SLC38A8: variants seen among roughly 807,000 people sequenced by gnomAD.
The protein encoded by SLC38A8 is amino acid transporter SLC38A8.
In SLC38A8, 65 loss-of-function variants were observed where a neutral mutation model predicts 46.0. The observed-to-expected ratio is 1.41, with a 90% CI of 1.16 to 1.74. SLC38A8 has a LOEUF of 1.74. SLC38A8 is among the 40% of genes most tolerant of loss of function. The pLI, the probability that SLC38A8 is intolerant of heterozygous loss-of-function variation, is 0.00. For missense variants in SLC38A8, 998 were observed against 567.9 expected (o/e 1.76, Z -7.70); for synonymous variants, 447 against 243.7 (o/e 1.83, Z -7.77).
chr16:84,012,403 T>G (rs895971476), intron 10 of SLC38A8, among the ~76,000 whole-genome samples: 2 of 152,154 alleles, frequency 1.3e-5, no homozygotes, highest in Non-Finnish European at 2.9e-5. Context: ...AGATCCAAAT[T>G]ATCTGGTCTC....
chr16:84,023,977 G>T (rs369510057), intron 6 of SLC38A8, among the ~76,000 whole-genome samples: 2 of 152,194 alleles, frequency 1.3e-5, no homozygotes, highest in Non-Finnish European at 2.9e-5. Context: ...TTCTACACCA[G>T]GGTTTCTCAG....
chr16:84,023,506 C>T (rs866562130), intron 6 of SLC38A8, among the ~76,000 whole-genome samples: 9 of 152,056 alleles, frequency 5.9e-5, no homozygotes, highest in South Asian at 2.1e-4. Context: ...AAGTAAATGG[C>T]AGGATACTAA....
chr16:84,013,629 C>T (rs1439643309), intron 9 of SLC38A8, among the ~76,000 whole-genome samples: 1 of 151,740 alleles, frequency 6.6e-6, no homozygotes, highest in African/African-American at 2.4e-5. Flanking sequence ...CGGGATTTCA[C>T]CATGTTGGTC....
At chr16:84,028,346 C>T (rs2085190743) in intron 6 of SLC38A8, among the ~76,000 whole-genome samples, 3 of 151,858 alleles carry the variant, frequency 2.0e-5, no homozygotes, top group Admixed American at 6.6e-5. Flanking sequence ...TGTGGGAGGC[C>T]GAGGAGGGCA....
In SLC38A8 at chr16:84,036,873, G is replaced by C. The variant is rs746482049; in HGVS notation, c.217C>G (p.Leu73Val). ...LVSLVFLISGLVILGYAAAVS... is the reference protein window; with the variant it reads ...LVSLVFLISGVVILGYAAAVS... ...GCAGCAGCATAGCCCAGGATGACCA[G>C]CCCGCTGATCAGGAAGACCAACGAG... is the stretch of plus-strand genomic sequence containing the variant. Residue 73 changes from leucine (L) to valine (V), a missense_variant, in exon 3 of 11, where the codon CTG becomes GTG. By Grantham distance (32) the Leu-to-Val change is conservative. Coordinates refer to ENST00000299709, the MANE Select transcript of SLC38A8 (RefSeq NM_001080442.3). 10 of 1,613,008 alleles carry C rather than the reference G, an allele frequency of 6.2e-6. No homozygotes were observed. The highest frequency in any genetic ancestry group is 1.3e-5 in the African/African-American group (1 of 75,046).
chr16:84,038,900 G>T (rs890479723), intron 2 of SLC38A8, among the ~76,000 whole-genome samples: 5 of 152,254 alleles, frequency 3.3e-5, no homozygotes, highest in South Asian at 2.1e-4. Flanking sequence ...GCTGAGCATG[G>T]TGGTCGAGCA....
At chr16:84,027,595 ACC>A (rs911618210) in intron 6 of SLC38A8, among the ~76,000 whole-genome samples, 3 of 151,692 alleles carry the variant, frequency 2.0e-5, no homozygotes, top group Non-Finnish European at 1.5e-5. Context: ...CTCCAGCCTT[ACC>A]CCCTTTTCCC....
At chr16:84,016,409 C>A (rs1428013412) in intron 9 of SLC38A8, 110 bp downstream of exon 9, 3 of 1,279,432 alleles carry the variant, frequency 2.3e-6, no homozygotes, top group Non-Finnish European at 3.2e-6. Flanking sequence ...TTAATCCTAC[C>A]CATATGTGGC....
rs565378328 is a variant in SLC38A8, at chr16:84,022,612, G to A, written c.805+163C>T. 7.7e-4 allele frequency among the ~76,000 whole-genome samples: 117 copies of A among 152,306 alleles called. 1 individual carries two copies. Among genetic ancestry groups the A allele is most frequent in the African/African-American group, 2.6e-3 (108 of 41,568 alleles). ...CCTGAGCCTCAGCTTCCTCATCTATGAAATGAGGCCTTTTCCTATGCACAC... is the reference window on the plus strand; with the variant it reads ...CCTGAGCCTCAGCTTCCTCATCTATAAAATGAGGCCTTTTCCTATGCACAC... On this transcript the variant is annotated intron_variant, in intron 7 of 10. Transcript: ENST00000299709.
rs1597253049 is a variant in SLC38A8 at position 84,017,151 on chromosome 16, G to A, written c.942C>T (p.Leu314=). The change falls in exon 8 of 11, where the codon CTC becomes CTT. Residue 314 remains leucine (L), a synonymous_variant. Transcript: ENST00000299709. ...GAGCCAGGCCTCACCTCCCCAGGAA[G>A]AGCACGATGGGGTAGACAGTTACGA... The part of the protein sequence containing the change: ...VSIVTVYPIV[L]FLGRSVMQDF... 1.9e-6 allele frequency: 3 copies of A among 1,613,990 alleles called. No homozygotes were observed. Among genetic ancestry groups the A allele is most frequent in the East Asian group, 4.5e-5 (2 of 44,898 alleles).
intron 6 of SLC38A8, among the ~76,000 whole-genome samples, chr16:84,028,198 T>G (rs1184881970): frequency 6.6e-6 from 1 of 152,126 alleles, no homozygotes; most frequent in African/African-American, 2.4e-5. Context: ...CCTGTGGACT[T>G]GATTTTACTT....
chr16:84,019,421 G>T (rs1461650440), intron 7 of SLC38A8, among the ~76,000 whole-genome samples: 2 of 152,116 alleles, frequency 1.3e-5, no homozygotes, highest in Non-Finnish European at 2.9e-5. Context: ...TTGGCATACT[G>T]GCAGATGGTG....
chr16:84,015,613 T>C (rs1297718994), intron 9 of SLC38A8, among the ~76,000 whole-genome samples: 3 of 152,034 alleles, frequency 2.0e-5, no homozygotes, highest in Non-Finnish European at 2.9e-5. Context: ...ATCTATGGAA[T>C]GGGATCATAA....
intron 5 of SLC38A8, among the ~76,000 whole-genome samples, chr16:84,030,606 T>C (rs2085226443): frequency 6.6e-6 from 1 of 152,036 alleles, no homozygotes; most frequent in Non-Finnish European, 1.5e-5. Context: ...TGCTCAGTCC[T>C]CTCTAATCCA....
At position 84,036,739 on chromosome 16, in the gene SLC38A8, C is replaced by T; in HGVS notation, c.351G>A (p.Val117=). Residue 117 remains valine (V), a synonymous_variant, in exon 3 of 11, where the codon GTG becomes GTA. Transcript: ENST00000299709. ...CFLLNLLMIS[V]AFLRVIGDQL... is the part of the protein sequence containing the mutation. ...GGTCCCCGATCACCCTGAGGAAGGC[C>T]ACGGAGATCATGAGCAGGTTGAGGA... 6.2e-7 allele frequency: 1 copy of T among 1,614,220 alleles called. No homozygotes were observed.
intron 7 of SLC38A8, among the ~76,000 whole-genome samples, chr16:84,021,027 A>T (rs910283622): frequency 6.6e-6 from 1 of 152,088 alleles, no homozygotes; most frequent in Admixed American, 6.6e-5. Flanking sequence ...TGCTCCTTGG[A>T]TATCTCTTCC....
At chr16:84,010,185 C>G (rs568433311) in intron 10 of SLC38A8, among the ~76,000 whole-genome samples, 19 of 151,454 alleles carry the variant, frequency 1.3e-4, no homozygotes, top group Non-Finnish European at 2.2e-4. Flanking sequence ...ATTCTCCTGC[C>G]TCAGCCTCCC....
At chr16:84,024,938 C>T (rs190000556) in intron 6 of SLC38A8, among the ~76,000 whole-genome samples, 2 of 152,240 alleles carry the variant, frequency 1.3e-5, no homozygotes, top group East Asian at 2.0e-4. Context: ...ACCTCGGCCT[C>T]GCAAAGTGCT....
intron 5 of SLC38A8, among the ~76,000 whole-genome samples, chr16:84,030,057 AAAGT>A (rs2151123592): frequency 6.6e-6 from 1 of 152,254 alleles, no homozygotes; most frequent in South Asian, 2.1e-4. Flanking sequence ...GTAATTACTG[AAAGT>A]AAGATGAAGT....
Sources: gnomAD v4.1 joint callset for allele counts (sites outside exome capture counted in the v4.1 genomes callset) on GRCh38, gnomAD v4.1.1 for gene constraint, MANE v1.5 for transcripts, NCBI Gene and HGNC (gene_info 2026-07-23, HGNC 2026-07-21) for gene names.